Variants in SMIM31 observed in about 807,000 individuals in gnomAD.
The protein encoded by SMIM31 is human epithelial cell program regulator.
chr4:164,761,733 A>G (rs2110921367), intron 1 of SMIM31, among the ~76,000 whole-genome samples: 1 of 150,564 alleles, frequency 6.6e-6, no homozygotes, highest in Admixed American at 6.7e-5. Flanking sequence ...CCTGGCCAAG[A>G]TGGTGAAACC....
At chr4:164,766,040 G>A (rs1044825845) in intron 1 of SMIM31, among the ~76,000 whole-genome samples, 4 of 152,136 alleles carry the variant, frequency 2.6e-5, no homozygotes, top group Admixed American at 6.5e-5. Flanking sequence ...GAGAATGAAC[G>A]GATGGTGCAC....
chr4:164,761,433 C>T (rs115823627), intron 1 of SMIM31, among the ~76,000 whole-genome samples: 2,239 of 152,192 alleles, frequency 0.015, 53 homozygotes, highest in African/African-American at 0.049. Flanking sequence ...CCCTTTGAAA[C>T]CTAGCAAAAT....
intron 2 of SMIM31, among the ~76,000 whole-genome samples, chr4:164,795,141 T>C (rs1733172730): frequency 6.6e-6 from 1 of 152,216 alleles, no homozygotes; most frequent in East Asian, 1.9e-4. Context: ...CAACATTGTA[T>C]CATGACTTTG....
chr4:164,780,077 A>T (rs1732927473), intron 2 of SMIM31, among the ~76,000 whole-genome samples: 1 of 152,230 alleles, frequency 6.6e-6, no homozygotes. Context: ...CTTTTTCCCC[A>T]GTGAACTGTG....
At chr4:164,782,957 C>T (rs764692166) in intron 2 of SMIM31, among the ~76,000 whole-genome samples, 1 of 152,198 alleles carries the variant, frequency 6.6e-6, no homozygotes, top group Non-Finnish European at 1.5e-5. Context: ...TGGTGGCTCA[C>T]ACATGTAATC....
intron 2 of SMIM31, among the ~76,000 whole-genome samples, chr4:164,792,286 T>C (rs542589283): frequency 6.6e-6 from 1 of 150,480 alleles, no homozygotes; most frequent in East Asian, 1.9e-4. Context: ...TAATTGAAAA[T>C]ATATTTTTTA....
At chr4:164,754,551 A>ATTTTTTTTTTTTTTTTTTTTTTTTT (rs57916805) in intron 1 of SMIM31, 140 bp downstream of exon 1, 1 of 55,620 alleles carries the variant, frequency 1.8e-5, no homozygotes, top group Non-Finnish European at 3.0e-5. Flanking sequence ...TCCTGGAGGT[A>ATTTTTTTTTTTTTTTTTTTTTTTTT]TTTTTTTTTT....
chr4:164,760,494 G>A (rs181727913), intron 1 of SMIM31, among the ~76,000 whole-genome samples: 1 of 151,916 alleles, frequency 6.6e-6, no homozygotes, highest in East Asian at 1.9e-4. Context: ...ACTTTGGGAG[G>A]CCAAGGCGGG....
intron 1 of SMIM31, among the ~76,000 whole-genome samples, chr4:164,764,308 C>T (rs28414756): frequency 0.13 from 19,619 of 151,908 alleles, 1,495 homozygotes; most frequent in African/African-American, 0.21. Flanking sequence ...GTAGCTCACA[C>T]CTGTAACCTC....
At chr4:164,774,149 G>C (rs923487870) in intron 2 of SMIM31, among the ~76,000 whole-genome samples, 4 of 137,958 alleles carry the variant, frequency 2.9e-5, no homozygotes, top group East Asian at 2.2e-4. Flanking sequence ...CTGGGCAACA[G>C]AGCGAGACTC....
At chr4:164,762,662 C>CAAAAAAAAAAAAAAAA (rs1162067333) in intron 1 of SMIM31, among the ~76,000 whole-genome samples, 4 of 100,108 alleles carry the variant, frequency 4.0e-5, no homozygotes, top group Admixed American at 1.2e-4. Flanking sequence ...GACTCTGTCT[C>CAAAAAAAAAAAAAAAA]AAAAAAAAAA....
intron 2 of SMIM31, among the ~76,000 whole-genome samples, chr4:164,792,794 C>T (rs6536859): frequency 4.9e-4 from 74 of 152,166 alleles, no homozygotes; most frequent in African/African-American, 1.7e-3. Context: ...CATATAGAAT[C>T]TCAAGGCACC....
rs552312584 is a variant in SMIM31 at position 164,780,960 on chromosome 4, C to T, written c.112+10405C>T. On this transcript the variant is annotated intron_variant, in intron 2 of 2. Coordinates refer to ENST00000507311, the MANE Select transcript of SMIM31 (RefSeq NM_001352885.1). ...TAGTAGCTAGGACTAGAGGCACATG[C>T]AACCACACCCGGCTATTTTTTAATT... Among the ~76,000 whole-genome samples the T allele has an allele frequency of 2.0e-5, 3 of 152,262 alleles. No individual in the cohort carries two copies. In the South Asian group the frequency reaches 6.2e-4, roughly 32 times the overall value.
chr4:164,788,900 A>G (rs891862229), intron 2 of SMIM31, among the ~76,000 whole-genome samples: 1 of 152,174 alleles, frequency 6.6e-6, no homozygotes, highest in East Asian at 1.9e-4. Flanking sequence ...TTGGTATTCT[A>G]TATGCTATTT....
At chr4:164,762,314 A>G (rs1732661674) in intron 1 of SMIM31, among the ~76,000 whole-genome samples, 1 of 152,236 alleles carries the variant, frequency 6.6e-6, no homozygotes, top group African/African-American at 2.4e-5. Flanking sequence ...AAGTCAAGGA[A>G]TTGGGAATAA....
intron 2 of SMIM31, among the ~76,000 whole-genome samples, chr4:164,784,706 G>A (rs140647238): frequency 5.2e-4 from 79 of 152,296 alleles, no homozygotes; most frequent in Admixed American, 4.8e-3. Flanking sequence ...TTATGAGCCT[G>A]AGAATCACAA....
At chr4:164,799,854 T>C (rs890024176) in intron 2 of SMIM31, among the ~76,000 whole-genome samples, 6 of 152,216 alleles carry the variant, frequency 3.9e-5, no homozygotes, top group Admixed American at 1.3e-4. Flanking sequence ...GCTGAATGAA[T>C]GAGTGAATGA....
Position 164,802,737 on chromosome 4 carries a change from G to GA in SMIM31, c.*1546dup, listed in dbSNP as rs1307039770. ...CTTACCCCTTACTGCTCACTTTCAA[G>GA]AAAGATTCAATAAAGATGGCTTTCT... is the stretch of plus-strand genomic sequence containing the variant. On this transcript the variant is annotated 3_prime_UTR_variant, in exon 3 of 3. Coordinates refer to ENST00000507311, the MANE Select transcript of SMIM31 (RefSeq NM_001352885.1). 1 of 152,218 alleles carries GA rather than the reference G, an allele frequency of 6.6e-6. No individual in the cohort carries two copies. The highest frequency in any genetic ancestry group is 1.5e-5 in the Non-Finnish European group (1 of 68,062). 9.4% of individuals were successfully genotyped at this position (152,218 alleles called of 1,614,324 possible).
chr4:164,780,573 G>A (rs1002994197), intron 2 of SMIM31, among the ~76,000 whole-genome samples: 3 of 152,232 alleles, frequency 2.0e-5, no homozygotes, highest in South Asian at 2.1e-4. Flanking sequence ...AATAGAAGCT[G>A]TAAAAGGATC....
Sources: gnomAD v4.1 joint callset for allele counts (sites outside exome capture counted in the v4.1 genomes callset) on GRCh38, gnomAD v4.1.1 for gene constraint, MANE v1.5 for transcripts, NCBI Gene and HGNC (gene_info 2026-07-23, HGNC 2026-07-21) for gene names.